Variants in PTH2R observed in about 807,000 individuals in gnomAD.
PTH2R encodes the protein PTH2 receptor.
PTH2R carries 59 observed loss-of-function variants against 60.3 expected under a neutral mutation model. That is an observed-to-expected ratio of 0.98 (90% CI 0.79 to 1.22). PTH2R has a LOEUF of 1.22. Among genes scored for constraint, PTH2R ranks in the 50% most tolerant of loss-of-function variants. PTH2R has a pLI of 0.00. For synonymous variants in PTH2R, 256 were observed against 243.8 expected, an observed-to-expected ratio of 1.05 and a Z score of -0.47; for missense variants, 749 against 682.6, an observed-to-expected ratio of 1.10 and a Z score of -1.08.
chr2:208,431,189 C>T (rs1388453878), intron 2 of PTH2R, among the ~76,000 whole-genome samples: 1 of 152,110 alleles, frequency 6.6e-6, no homozygotes. Flanking sequence ...CTTTGTTCAG[C>T]TTTGTCTAAC....
chr2:208,448,765 T>A (rs892497377), intron 7 of PTH2R, among the ~76,000 whole-genome samples: 18 of 151,692 alleles, frequency 1.2e-4, no homozygotes, highest in Non-Finnish European at 2.5e-4. Context: ...TTTGCCTTTA[T>A]TTCTGTGTTC....
chr2:208,437,712 A>T, intron 3 of PTH2R, 48 bp from the exon 4 acceptor site: 1 of 1,604,232 alleles, frequency 6.2e-7, no homozygotes, highest in East Asian at 2.2e-5. Flanking sequence ...TCTTGATAAT[A>T]GATTCTAAGG....
chr2:208,437,873 A>G lies in PTH2R; in HGVS notation c.403A>G (p.Ile135Val). 3 of 1,612,340 alleles carry G rather than the reference A, an allele frequency of 1.9e-6. No homozygotes were observed. Among genetic ancestry groups the G allele is most frequent in the South Asian group, 1.1e-5 (1 of 90,968 alleles). The change falls in exon 4 of 13, where the codon ATA (isoleucine) becomes GTA (valine). Residue 135 changes from isoleucine to valine, a missense_variant. Transcript: ENST00000272847. Reference sequence around the variant, plus strand: ...TCGCTTTCTGCAGCCAGATATCAGCATAGGAAAGGTAATGGAATTTCTCTA... The same window carrying G: ...TCGCTTTCTGCAGCCAGATATCAGCGTAGGAAAGGTAATGGAATTTCTCTA... ...CLRFLQPDIS[I>V]GKQEFFERLY...
rs1053798916 is a variant in PTH2R at position 208,412,436 on chromosome 2, A to G, written c.75+5318A>G. Among the ~76,000 whole-genome samples the G allele has an allele frequency of 4.6e-5, 7 of 152,196 alleles. 1 individual carries two copies. The highest frequency in any genetic ancestry group is 3.9e-4 in the Admixed American group (6 of 15,278). ...TCTGTAATCTCAGATTCTCATTGCC[A>G]ATTGCTGGCAGGAAACAGTCTTCTT... On this transcript the variant is annotated intron_variant, in intron 1 of 12. Coordinates refer to ENST00000272847, the MANE Select transcript of PTH2R (RefSeq NM_005048.4).
chr2:208,471,191 A>C (rs1410783880), intron 9 of PTH2R, among the ~76,000 whole-genome samples: 1 of 152,252 alleles, frequency 6.6e-6, no homozygotes, highest in Non-Finnish European at 1.5e-5. Context: ...AATAAAAAAG[A>C]GAATCCCATT....
chr2:208,470,731 G>A (rs1227457899), intron 9 of PTH2R, among the ~76,000 whole-genome samples: 1 of 152,186 alleles, frequency 6.6e-6, no homozygotes, highest in East Asian at 1.9e-4. Context: ...GTAGAGTGGG[G>A]CACTGCTGAG....
In PTH2R at chr2:208,372,358, G is replaced by A. The variant is rs559592139; in HGVS notation, c.-259+12121G>A. Among the ~76,000 whole-genome samples the A allele has an allele frequency of 1.1e-4, 17 of 152,194 alleles. No individual in the cohort carries two copies. In the South Asian group the frequency reaches 2.3e-3, roughly 20 times the overall value. ...GGTCAAGCCTCATCATCCTGGGATG[G>A]ATGGGACCTTGGTTTTGGGCAAGTT... On this transcript the variant is annotated intron_variant, in intron 1 of 12. Transcript: ENST00000617735.
intron 1 of PTH2R, among the ~76,000 whole-genome samples, chr2:208,398,096 G>T (rs904169958): frequency 6.6e-6 from 1 of 152,032 alleles, no homozygotes; most frequent in African/African-American, 2.4e-5. Flanking sequence ...TTAATTCATT[G>T]GGTCTTTGAT....
intron 1 of PTH2R, among the ~76,000 whole-genome samples, chr2:208,377,253 G>A (rs1161727533): frequency 5.3e-5 from 8 of 152,072 alleles, no homozygotes; most frequent in Non-Finnish European, 1.2e-4. Flanking sequence ...ACAAAATGAA[G>A]TCTCCCATGT....
chr2:208,363,371 T>G (rs1231052528), intron 1 of PTH2R, among the ~76,000 whole-genome samples: 2 of 152,122 alleles, frequency 1.3e-5, no homozygotes, highest in African/African-American at 4.8e-5. Flanking sequence ...GTTCTTCTTA[T>G]AGCTGTGGTG....
chr2:208,456,870 T>C (rs1271716137), intron 8 of PTH2R, among the ~76,000 whole-genome samples: 3 of 152,356 alleles, frequency 2.0e-5, no homozygotes, highest in African/African-American at 7.2e-5. Flanking sequence ...AAGTTTGAAA[T>C]CTCAATTTTC....
At chr2:208,489,354 G>T (rs1012962598) in intron 11 of PTH2R, among the ~76,000 whole-genome samples, 2 of 152,134 alleles carry the variant, frequency 1.3e-5, no homozygotes, top group Non-Finnish European at 2.9e-5. Flanking sequence ...CACAGCAGGA[G>T]CAGTTCTGGA....
intron 1 of PTH2R, chr2:208,361,207 C>A: frequency 6.4e-6 from 1 of 155,054 alleles, no homozygotes; most frequent in South Asian, 1.8e-4. Context: ...TCTTGGAGGC[C>A]CAGTTGATGC....
At chr2:208,420,076 A>G (rs1206063771) in intron 1 of PTH2R, among the ~76,000 whole-genome samples, 4 of 150,970 alleles carry the variant, frequency 2.6e-5, no homozygotes, top group Non-Finnish European at 5.9e-5. Context: ...ATAGGTGGGA[A>G]TTGAACAATG....
chr2:208,406,917 C>A lies in PTH2R; in HGVS notation c.-127C>A. The A allele has an allele frequency of 2.7e-6, 2 of 734,294 alleles. No individual in the cohort carries two copies. Among genetic ancestry groups the A allele is most frequent in the Non-Finnish European group, 4.0e-6 (2 of 498,666 alleles). 45.5% of individuals were successfully genotyped at this position (734,294 alleles called of 1,614,324 possible). On this transcript the variant is annotated 5_prime_UTR_variant, in exon 1 of 13. Coordinates refer to ENST00000272847, the MANE Select transcript of PTH2R (RefSeq NM_005048.4). ...AAGCACCCTCGGCCGGTGGCCCGGG[C>A]CCGACCACCCCAGCTGCGCGTCGTT...
chr2:208,401,219 T>C (rs1701302438), intron 1 of PTH2R, among the ~76,000 whole-genome samples: 1 of 152,218 alleles, frequency 6.6e-6, no homozygotes, highest in Non-Finnish European at 1.5e-5. Flanking sequence ...TTCCCAAATC[T>C]GTTTTCAGCA....
chr2:208,409,814 A>G (rs1026086441), intron 1 of PTH2R, among the ~76,000 whole-genome samples: 1 of 152,174 alleles, frequency 6.6e-6, no homozygotes, highest in Non-Finnish European at 1.5e-5. Flanking sequence ...AGATTATCAC[A>G]TGGTAATGAG....
At chr2:208,393,094 A>G (rs1701138662) in intron 1 of PTH2R, among the ~76,000 whole-genome samples, 1 of 152,222 alleles carries the variant, frequency 6.6e-6, no homozygotes. Context: ...CAACGCTGCT[A>G]CTAGAGCCTC....
At chr2:208,427,221 C>A (rs568409533) in intron 1 of PTH2R, among the ~76,000 whole-genome samples, 8 of 152,200 alleles carry the variant, frequency 5.3e-5, no homozygotes, top group African/African-American at 1.9e-4. Flanking sequence ...AAAAAAACAG[C>A]CAGGAAAAAA....
Sources: allele counts gnomAD v4.1 joint callset (sites outside exome capture counted in the v4.1 genomes callset), GRCh38; gene constraint gnomAD v4.1.1; transcripts MANE v1.5; gene names NCBI Gene and HGNC (gene_info 2026-07-23, HGNC 2026-07-21).